The following FGF12 variants were observed in gnomAD, a reference collection of about 807,000 sequenced individuals.
FGF12 encodes the protein fibroblast growth factor 12.
Under a neutral mutation model 23.6 loss-of-function variants are expected in FGF12, and 14 were observed. The ratio of observed to expected loss-of-function variants is 0.59; its 90% confidence interval spans 0.39 to 0.93. The LOEUF (loss-of-function observed/expected upper bound fraction) is 0.93, where lower values mean the gene tolerates loss of function less well. Among genes scored for constraint, FGF12 ranks in the 40% least tolerant of loss-of-function variants. FGF12 has a pLI of 0.00. For missense variants in FGF12, 175 were observed against 217.8 expected, an observed-to-expected ratio of 0.80 and a Z score of 1.24; for synonymous variants, 62 against 77.3, an observed-to-expected ratio of 0.80 and a Z score of 1.04.
chr3:192,223,848 A>G (rs375161015), intron 4 of FGF12, among the ~76,000 whole-genome samples: 1 of 152,262 alleles, frequency 6.6e-6, no homozygotes, highest in East Asian at 1.9e-4. Flanking sequence ...ATCATTCACT[A>G]TGACTAAATT....
At chr3:192,489,648 G>A (rs1217114515) in intron 2 of FGF12, among the ~76,000 whole-genome samples, 2 of 151,974 alleles carry the variant, frequency 1.3e-5, no homozygotes, top group African/African-American at 4.8e-5. Context: ...GAGAGACTAG[G>A]GTGGCAGGCA....
chr3:192,431,477 T>C (rs1169437092), intron 2 of FGF12, among the ~76,000 whole-genome samples: 2 of 152,196 alleles, frequency 1.3e-5, no homozygotes, highest in Non-Finnish European at 1.5e-5. Flanking sequence ...CTATTGCCAA[T>C]GTGACTAGAA....
intron 2 of FGF12, among the ~76,000 whole-genome samples, chr3:192,693,274 T>C (rs150063703): frequency 6.6e-6 from 1 of 152,160 alleles, no homozygotes; most frequent in East Asian, 1.9e-4. Flanking sequence ...GTGAAATAAA[T>C]TGAAGAAGAT....
At chr3:192,586,395 A>G (rs532920543) in intron 2 of FGF12, among the ~76,000 whole-genome samples, 170 of 152,354 alleles carry the variant, frequency 1.1e-3, no homozygotes, top group Non-Finnish European at 1.9e-3. Flanking sequence ...ATATCTATAT[A>G]TGGGCCATAA....
chr3:192,707,663 T>C (rs915165854), intron 2 of FGF12, among the ~76,000 whole-genome samples: 3 of 147,056 alleles, frequency 2.0e-5, no homozygotes, highest in Non-Finnish European at 4.4e-5. Flanking sequence ...GGAGAATCGC[T>C]TGAACTTGGG....
chr3:192,608,933 G>A (rs1714447444), intron 2 of FGF12, among the ~76,000 whole-genome samples: 1 of 152,110 alleles, frequency 6.6e-6, no homozygotes, highest in Non-Finnish European at 1.5e-5. Context: ...AACCAGCTTA[G>A]TGAGGCAGGC....
intron 4 of FGF12, among the ~76,000 whole-genome samples, chr3:192,271,228 T>C (rs1713415435): frequency 6.6e-6 from 1 of 152,184 alleles, no homozygotes; most frequent in East Asian, 1.9e-4. Flanking sequence ...TTTAGTAACA[T>C]CCAGTACATC....
At chr3:192,684,392 A>G (rs140165294) in intron 2 of FGF12, among the ~76,000 whole-genome samples, 1,936 of 152,282 alleles carry the variant, frequency 0.013, 24 homozygotes, top group Middle Eastern at 0.02. Context: ...TTGACTCTGA[A>G]CATGCCAATC....
At chr3:192,495,462 C>T (rs372613598) in intron 2 of FGF12, among the ~76,000 whole-genome samples, 18 of 142,960 alleles carry the variant, frequency 1.3e-4, no homozygotes, top group African/African-American at 4.3e-4. Context: ...TATATATAAA[C>T]CTATATTATA....
At chr3:192,521,866 C>A (rs1371833116) in intron 2 of FGF12, among the ~76,000 whole-genome samples, 1 of 151,972 alleles carries the variant, frequency 6.6e-6, no homozygotes, top group African/African-American at 2.4e-5. Context: ...ATGTTCATAT[C>A]TTTTATGTTT....
intron 4 of FGF12, among the ~76,000 whole-genome samples, chr3:192,233,777 C>T (rs4686601): frequency 0.33 from 50,100 of 151,894 alleles, 9,427 homozygotes; most frequent in East Asian, 0.89. Flanking sequence ...GCGAGTGATC[C>T]CAGCACCATT....
At chr3:192,274,852 A>AT (rs1176437014) in intron 4 of FGF12, among the ~76,000 whole-genome samples, 1 of 152,106 alleles carries the variant, frequency 6.6e-6, no homozygotes, top group African/African-American at 2.4e-5. Context: ...AAGGCTTCAC[A>AT]TTTTCTTTAT....
At chr3:192,690,318 G>GA (rs1394157796) in intron 2 of FGF12, among the ~76,000 whole-genome samples, 1 of 151,498 alleles carries the variant, frequency 6.6e-6, no homozygotes, top group Non-Finnish European at 1.5e-5. Context: ...AGATTGAAAG[G>GA]AAAAAAAGTA....
chr3:192,504,855 T>A (rs1476838094), intron 2 of FGF12, among the ~76,000 whole-genome samples: 1 of 152,120 alleles, frequency 6.6e-6, no homozygotes, highest in African/African-American at 2.4e-5. Context: ...TCCATTTTGA[T>A]CTTCTCCAAT....
chr3:192,470,243 G>A (rs1199257108), intron 2 of FGF12, among the ~76,000 whole-genome samples: 2 of 152,054 alleles, frequency 1.3e-5, no homozygotes, highest in African/African-American at 4.8e-5. Flanking sequence ...AAGGGTAAGA[G>A]GTTTTTTTAA....
intron 2 of FGF12, among the ~76,000 whole-genome samples, chr3:192,618,387 G>A (rs1246873978): frequency 6.6e-6 from 1 of 151,928 alleles, no homozygotes; most frequent in African/African-American, 2.4e-5. Context: ...ATCAAGTTCT[G>A]GCAGATTAGT....
chr3:192,505,925 G>A (rs1724278017), intron 2 of FGF12, among the ~76,000 whole-genome samples: 1 of 152,208 alleles, frequency 6.6e-6, no homozygotes, highest in Non-Finnish European at 1.5e-5. Context: ...GCTAAACAGG[G>A]TGGCTAATAT....
At chr3:192,169,023 G>T (rs983864219) in intron 5 of FGF12, among the ~76,000 whole-genome samples, 1 of 152,076 alleles carries the variant, frequency 6.6e-6, no homozygotes, top group Non-Finnish European at 1.5e-5. Flanking sequence ...AGGAGCAGGG[G>T]TGATGAACAA....
At chr3:192,585,237 T>C (rs907224578) in intron 2 of FGF12, among the ~76,000 whole-genome samples, 1 of 152,200 alleles carries the variant, frequency 6.6e-6, no homozygotes, top group Non-Finnish European at 1.5e-5. Context: ...GCTTCCTGCC[T>C]GCTTGCACTC....
Sources: allele counts gnomAD v4.1 joint callset (sites outside exome capture counted in the v4.1 genomes callset), GRCh38; gene constraint gnomAD v4.1.1; transcripts MANE v1.5; gene names NCBI Gene and HGNC (gene_info 2026-07-23, HGNC 2026-07-21).